The following MAF variants were observed in gnomAD, a reference collection of about 807,000 sequenced individuals.
MAF encodes transcription factor Maf.
A neutral mutation model predicts 22.0 loss-of-function variants in MAF; 10 were observed. The ratio of observed to expected loss-of-function variants is 0.45; its 90% CI spans 0.28 to 0.77. MAF has a LOEUF of 0.77. MAF is among the 30% of genes least tolerant of loss of function. The pLI is 0.12. For missense variants in MAF, 544 were observed against 548.4 expected (o/e 0.99, Z 0.08); for synonymous variants, 337 against 255.8 (o/e 1.32, Z -3.03).
chr16:79,312,448 T>G, the MAF span, among the ~76,000 whole-genome samples: 2 of 152,236 alleles, frequency 1.3e-5, no homozygotes, highest in African/African-American at 4.8e-5. Flanking sequence ...TTTCACGTGG[T>G]CTGGCTCAGT....
chr16:79,452,733 G>A, the MAF span, among the ~76,000 whole-genome samples: 1 of 152,016 alleles, frequency 6.6e-6, no homozygotes, highest in Non-Finnish European at 1.5e-5. Context: ...AAGGGATGTG[G>A]GCAGAGTGGA....
At chr16:79,406,583 C>T in the MAF span, among the ~76,000 whole-genome samples, 1 of 152,092 alleles carries the variant, frequency 6.6e-6, no homozygotes, top group Non-Finnish European at 1.5e-5. Context: ...ATGAAAGTTC[C>T]ACCCTCATGA....
At chr16:79,574,319 G>A in the MAF span, among the ~76,000 whole-genome samples, 1 of 152,202 alleles carries the variant, frequency 6.6e-6, no homozygotes, top group East Asian at 1.9e-4. Context: ...CAGTAAATAA[G>A]TGTCTGATGA....
At chr16:79,466,302 G>C in the MAF span, among the ~76,000 whole-genome samples, 1 of 152,190 alleles carries the variant, frequency 6.6e-6, no homozygotes, top group Non-Finnish European at 1.5e-5. Flanking sequence ...TCTGAAATCT[G>C]TGTGAATGAA....
chr16:79,340,331 C>A, the MAF span, among the ~76,000 whole-genome samples: 1 of 151,662 alleles, frequency 6.6e-6, no homozygotes, highest in Non-Finnish European at 1.5e-5. Flanking sequence ...TGATGATGAG[C>A]AGCAGTATTG....
At chr16:79,291,458 G>A in the MAF span, among the ~76,000 whole-genome samples, 4 of 151,996 alleles carry the variant, frequency 2.6e-5, no homozygotes, top group Non-Finnish European at 4.4e-5. Flanking sequence ...ACTCTCCAGC[G>A]GGTAGTGGCT....
the MAF span, among the ~76,000 whole-genome samples, chr16:79,324,220 C>A: frequency 6.6e-6 from 1 of 152,178 alleles, no homozygotes; most frequent in Non-Finnish European, 1.5e-5. Context: ...TGAAATGCTG[C>A]ATTTCGTCAT....
At chr16:79,489,922 T>C in the MAF span, among the ~76,000 whole-genome samples, 2 of 151,966 alleles carry the variant, frequency 1.3e-5, no homozygotes, top group African/African-American at 4.8e-5. Flanking sequence ...TGAGCAGTGA[T>C]GAAGGCCTGA....
chr16:79,344,307 G>A, the MAF span, among the ~76,000 whole-genome samples: 6 of 152,226 alleles, frequency 3.9e-5, no homozygotes, highest in Middle Eastern at 3.2e-3. Flanking sequence ...GACTAAGGGC[G>A]ATTAGACCCA....
chr16:79,598,397 A>G (rs1289162411), intron 1 of MAF: 1 of 1,203,076 alleles, frequency 8.3e-7, no homozygotes, highest in African/African-American at 1.6e-5. Flanking sequence ...GTTTCACATG[A>G]AGAACTCTGC....
At chr16:79,216,811 C>CTTTT in the MAF span, among the ~76,000 whole-genome samples, 5 of 140,940 alleles carry the variant, frequency 3.5e-5, no homozygotes, top group African/African-American at 1.0e-4. Flanking sequence ...CTATCTGCTA[C>CTTTT]TTTTTTTTTT....
chr16:79,523,290 C>A, the MAF span, among the ~76,000 whole-genome samples: 1 of 152,316 alleles, frequency 6.6e-6, no homozygotes, highest in South Asian at 2.1e-4. Flanking sequence ...GTAACTAATT[C>A]TCTAGGGTGA....
the MAF span, among the ~76,000 whole-genome samples, chr16:79,407,609 T>G: frequency 6.6e-6 from 1 of 152,148 alleles, no homozygotes. Context: ...TAACAACAGC[T>G]CAGCCTGTGT....
chr16:79,589,903 T>A (rs1913087707), downstream of MAF, among the ~76,000 whole-genome samples: 1 of 152,132 alleles, frequency 6.6e-6, no homozygotes, highest in Non-Finnish European at 1.5e-5. Flanking sequence ...GGGCGCTGCG[T>A]TGCTGGCGTC....
At chr16:79,538,293 C>T in the MAF span, among the ~76,000 whole-genome samples, 1 of 152,142 alleles carries the variant, frequency 6.6e-6, no homozygotes, top group African/African-American at 2.4e-5. Context: ...GTACAAGATG[C>T]ATATACAAAC....
At chr16:79,375,269 T>C in the MAF span, among the ~76,000 whole-genome samples, 1 of 152,196 alleles carries the variant, frequency 6.6e-6, no homozygotes, top group Admixed American at 6.5e-5. Context: ...GAGTTCTGCC[T>C]ACATAAAAGG....
intron 1 of MAF, chr16:79,596,832 T>G: frequency 9.5e-7 from 1 of 1,049,256 alleles, no homozygotes; most frequent in Non-Finnish European, 1.2e-6. Context: ...AACTGTGCAG[T>G]AATGCCATTT....
chr16:79,470,029 C>T, the MAF span, among the ~76,000 whole-genome samples: 6 of 152,322 alleles, frequency 3.9e-5, no homozygotes, highest in South Asian at 4.1e-4. Context: ...CGCTCAGAAA[C>T]GTGCGGTCTG....
At chr16:79,438,041 C>A in the MAF span, among the ~76,000 whole-genome samples, 2 of 152,124 alleles carry the variant, frequency 1.3e-5, no homozygotes, top group African/African-American at 4.8e-5. Flanking sequence ...GGAATGCCAT[C>A]CCTTGGAGAG....
Sources: allele counts gnomAD v4.1 joint callset (sites outside exome capture counted in the v4.1 genomes callset), GRCh38; gene constraint gnomAD v4.1.1; transcripts MANE v1.5; gene names NCBI Gene and HGNC (gene_info 2026-07-23, HGNC 2026-07-21).